Variants in SV2C observed in about 807,000 individuals in gnomAD.
SV2C encodes the protein synaptic vesicle glycoprotein 2C.
In SV2C, 49 loss-of-function variants were observed where a neutral mutation model predicts 79.7. The ratio of observed to expected loss-of-function variants is 0.61; its 90% CI spans 0.49 to 0.78. The LOEUF (loss-of-function observed/expected upper bound fraction) is 0.78, where lower values mean the gene tolerates loss of function less well. Ranked by LOEUF, SV2C falls within the 30% of genes least tolerant of loss-of-function variation. The pLI, the probability that SV2C is intolerant of heterozygous loss-of-function variation, is 0.00. For missense variants in SV2C, 833 were observed against 912.9 expected, an observed-to-expected ratio of 0.91 and a Z score of 1.13; for synonymous variants, 334 against 333.2, an observed-to-expected ratio of 1.00 and a Z score of -0.03.
chr5:76,071,089 C>T, the SV2C span, among the ~76,000 whole-genome samples: 7 of 152,330 alleles, frequency 4.6e-5, no homozygotes, highest in South Asian at 2.1e-4. Flanking sequence ...AAAGGGTAGA[C>T]GCTTCTTTCC....
chr5:76,234,023 C>G lies in SV2C; in HGVS notation c.913+24136C>G, dbSNP rs75689337. ...TGCATTAATTCACAACATGGAGGGA[C>G]AAGCTCTTTTAGGGAGACTTCTATG... On this transcript the variant is annotated intron_variant, in intron 4 of 12. Coordinates refer to ENST00000502798, the MANE Select transcript of SV2C (RefSeq NM_014979.4). Among the ~76,000 whole-genome samples, 1,200 of 152,200 alleles carry G rather than the reference C, an allele frequency of 7.9e-3. 9 individuals are homozygous for G. The highest frequency in any genetic ancestry group is 0.065 in the Middle Eastern group (19 of 294).
intron 2 of SV2C, among the ~76,000 whole-genome samples, chr5:76,146,797 T>TA (rs34569063): frequency 0.028 from 1,111 of 39,342 alleles, 47 homozygotes; most frequent in African/African-American, 0.066. Flanking sequence ...AGTTTTTTTT[T>TA]AAAAAAAAAA....
chr5:76,199,453 C>T (rs749147837), intron 3 of SV2C, among the ~76,000 whole-genome samples: 2 of 152,274 alleles, frequency 1.3e-5, no homozygotes, highest in South Asian at 2.1e-4. Flanking sequence ...TTCCCAGAGG[C>T]GTTTCCTGAG....
At chr5:76,344,085 A>G (rs1389279048) in intron 12 of SV2C, among the ~76,000 whole-genome samples, 2 of 151,898 alleles carry the variant, frequency 1.3e-5, no homozygotes, top group East Asian at 1.9e-4. Flanking sequence ...TTATCATCCA[A>G]CCTCTGCCCC....
intron 1 of SV2C, among the ~76,000 whole-genome samples, chr5:76,114,070 G>A (rs1748179936): frequency 6.6e-6 from 1 of 152,202 alleles, no homozygotes; most frequent in South Asian, 2.1e-4. Flanking sequence ...GAATGCTCCA[G>A]TTCTCATGCT....
chr5:76,172,250 G>C (rs1234200313), intron 2 of SV2C, among the ~76,000 whole-genome samples: 1 of 99,698 alleles, frequency 1.0e-5, no homozygotes, highest in East Asian at 4.5e-4. Flanking sequence ...GGGGGGGTCG[G>C]CCCCCCGCCC....
chr5:76,155,646 T>A (rs1223104667), intron 2 of SV2C, among the ~76,000 whole-genome samples: 1 of 152,236 alleles, frequency 6.6e-6, no homozygotes, highest in East Asian at 1.9e-4. Context: ...GTGCTGAGAA[T>A]CCTGGGACCT....
chr5:76,314,385 G>C (rs564110488), intron 12 of SV2C, among the ~76,000 whole-genome samples: 4 of 151,960 alleles, frequency 2.6e-5, no homozygotes, highest in African/African-American at 9.7e-5. Context: ...TCAGCTCCCC[G>C]TTCCTCATAA....
the SV2C span, among the ~76,000 whole-genome samples, chr5:76,058,800 A>C: frequency 6.6e-6 from 1 of 152,096 alleles, no homozygotes; most frequent in African/African-American, 2.4e-5. Flanking sequence ...ATTCCTGCTG[A>C]ATACTAAGTT....
chr5:76,040,122 T>G, the SV2C span, among the ~76,000 whole-genome samples: 1 of 152,180 alleles, frequency 6.6e-6, no homozygotes, highest in Non-Finnish European at 1.5e-5. Context: ...CACATTAACT[T>G]TTAACAGTAA....
the SV2C span, chr5:75,911,591 A>G: frequency 2.2e-5 from 15 of 683,228 alleles, no homozygotes; most frequent in African/African-American, 2.3e-4. Context: ...GAACTACAAA[A>G]GAAGCCAGTA....
At chr5:75,891,190 T>C in the SV2C span, among the ~76,000 whole-genome samples, 1 of 152,226 alleles carries the variant, frequency 6.6e-6, no homozygotes, top group African/African-American at 2.4e-5. Context: ...CCAGGGACTT[T>C]GAGACTTTTG....
intron 4 of SV2C, among the ~76,000 whole-genome samples, chr5:76,252,901 G>GA (rs750914296): frequency 6.6e-6 from 1 of 151,870 alleles, no homozygotes; most frequent in Non-Finnish European, 1.5e-5. Flanking sequence ...GCCAATTGGG[G>GA]AAAAAACCCT....
chr5:76,081,377 T>A (rs1746989131), upstream of SV2C, among the ~76,000 whole-genome samples: 1 of 152,200 alleles, frequency 6.6e-6, no homozygotes, highest in African/African-American at 2.4e-5. Context: ...AGTTGGAAGC[T>A]CAAATTTTTA....
downstream of SV2C, among the ~76,000 whole-genome samples, chr5:76,336,605 C>T (rs1237791570): frequency 6.6e-6 from 1 of 152,188 alleles, no homozygotes; most frequent in African/African-American, 2.4e-5. Context: ...TGGGCACCAC[C>T]GAGCACCAAG....
At chr5:76,279,929 G>C (rs373759008) in intron 4 of SV2C, among the ~76,000 whole-genome samples, 1 of 152,110 alleles carries the variant, frequency 6.6e-6, no homozygotes, top group Admixed American at 6.5e-5. Context: ...ATGTGAGCAG[G>C]GTGGCCTTAG....
At chr5:75,967,305 G>A in the SV2C span, among the ~76,000 whole-genome samples, 2 of 152,164 alleles carry the variant, frequency 1.3e-5, no homozygotes, top group African/African-American at 4.8e-5. Context: ...ATCTCACTGG[G>A]GAGTGCTGGA....
At chr5:76,120,847 T>G (rs1748466433) in intron 1 of SV2C, among the ~76,000 whole-genome samples, 4 of 150,610 alleles carry the variant, frequency 2.7e-5, no homozygotes, top group African/African-American at 9.9e-5. Flanking sequence ...TGTGTCTTTA[T>G]AGCGGCATGA....
chr5:76,181,325 G>A (rs758168051), intron 2 of SV2C, among the ~76,000 whole-genome samples: 1 of 152,206 alleles, frequency 6.6e-6, no homozygotes, highest in African/African-American at 2.4e-5. Flanking sequence ...ATGGCCCACA[G>A]AGTCTGAGGT....
Sources: allele counts gnomAD v4.1 joint callset (sites outside exome capture counted in the v4.1 genomes callset), GRCh38; gene constraint gnomAD v4.1.1; transcripts MANE v1.5; gene names NCBI Gene and HGNC (gene_info 2026-07-23, HGNC 2026-07-21).